The following TRIM13 variants were observed in gnomAD, a reference collection of about 807,000 sequenced individuals.
TRIM13 encodes the protein tripartite motif containing 13, also known as E3 ubiquitin-protein ligase TRIM13.
TRIM13 carries 15 observed loss-of-function variants against 27.1 expected under a neutral mutation model. The ratio of observed to expected loss-of-function variants is 0.55; its 90% confidence interval spans 0.37 to 0.85. The LOEUF (loss-of-function observed/expected upper bound fraction) is 0.85, where lower values mean the gene tolerates loss of function less well. TRIM13 is among the 40% of genes least tolerant of loss of function. The pLI is 0.00. For missense variants in TRIM13, 402 were observed against 472.2 expected (o/e 0.85, Z 1.38); for synonymous variants, 193 against 171.5 (o/e 1.13, Z -0.98).
intron 1 of TRIM13, 51 bp from the exon 2 acceptor site, chr13:50,011,884 T>C (rs1480176492): frequency 1.3e-6 from 2 of 1,528,498 alleles, no homozygotes; most frequent in African/African-American, 1.4e-5. Flanking sequence ...TATTACATAG[T>C]CCTAGTGGTG....
At chr13:50,001,641 G>C (rs1356685901) in intron 1 of TRIM13, among the ~76,000 whole-genome samples, 1 of 152,054 alleles carries the variant, frequency 6.6e-6, no homozygotes, top group Non-Finnish European at 1.5e-5. Context: ...TATATTGTTT[G>C]CAAGAGCCAC....
Position 50,013,613 on chromosome 13 carries a change from C to G in TRIM13, c.*449C>G, listed in dbSNP as rs2138423892. On this transcript the variant is annotated 3_prime_UTR_variant, in exon 2 of 2. Coordinates refer to ENST00000378182, the MANE Select transcript of TRIM13 (RefSeq NM_213590.3). ...TCTTGGCTCACTGCAGCCTCTACCT[C>G]CCAGGTTCAAGTGATTATCCTGCCT... 6.1e-6 allele frequency: 1 copy of G among 163,276 alleles called. No homozygotes were observed. The highest frequency in any genetic ancestry group is 1.9e-4 in the East Asian group (1 of 5,158). 10.1% of individuals were successfully genotyped at this position (163,276 alleles called of 1,614,324 possible). A position where few individuals can be genotyped will look rare whatever the true frequency, so the allele number is the denominator to read the frequency against.
At chr13:50,007,707 G>A (rs1240447744) in intron 1 of TRIM13, among the ~76,000 whole-genome samples, 51 of 150,652 alleles carry the variant, frequency 3.4e-4, no homozygotes, top group African/African-American at 1.2e-3. Context: ...GCTTGAACCC[G>A]GGAGGCGGAG....
intron 1 of TRIM13, among the ~76,000 whole-genome samples, chr13:49,998,130 A>G (rs949689699): frequency 6.6e-6 from 1 of 152,160 alleles, no homozygotes; most frequent in East Asian, 1.9e-4. Flanking sequence ...GCACTTTAAA[A>G]GCAGAATTTC....
intron 1 of TRIM13, among the ~76,000 whole-genome samples, chr13:49,999,461 T>A (rs1873753178): frequency 6.6e-6 from 1 of 152,138 alleles, no homozygotes; most frequent in South Asian, 2.1e-4. Context: ...ATGTCCTGAA[T>A]TCTTTCTTGG....
At position 50,015,611 on chromosome 13, in the gene TRIM13, C is replaced by CA; in HGVS notation, c.*2449dup. 6.2e-7 allele frequency: 1 copy of CA among 1,614,002 alleles called. No homozygotes were observed. Among genetic ancestry groups the CA allele is most frequent in the Non-Finnish European group, 8.5e-7 (1 of 1,179,954 alleles). On this transcript the variant is annotated 3_prime_UTR_variant, in exon 2 of 2. Coordinates refer to ENST00000378182, the MANE Select transcript of TRIM13 (RefSeq NM_213590.3). ...GGCACGCATGTTAGATGGCAGAGAC[C>CA]AAGAATTCAAGATGGTTGGTGGCCA...
chr13:50,014,526 CAGAA>C lies in TRIM13; in HGVS notation c.*1367_*1370del, dbSNP rs1022131887. On this transcript the variant is annotated 3_prime_UTR_variant, in exon 2 of 2. Transcript: ENST00000378182. Reference sequence around the variant, plus strand: ...ACAACCAAACCAATCCACTTGCTTACAGAAAGAATGTTTAGTGTAGTTAAGACTA... The same window carrying C: ...ACAACCAAACCAATCCACTTGCTTACAGAATGTTTAGTGTAGTTAAGACTA... The C allele has an allele frequency of 3.6e-5, 6 of 166,216 alleles. No homozygotes were observed. The highest frequency in any genetic ancestry group is 2.1e-4 in the South Asian group (1 of 4,788). 10.3% of individuals were successfully genotyped at this position (166,216 alleles called of 1,614,324 possible).
rs1239361627 is a variant in TRIM13 at position 50,017,062 on chromosome 13, CAA to C, written c.*3901_*3902del. ...TTACATTTTATAACTTCCTGTCCTT[CAA>C]AAGAGTTTGAAATGTCATTTTGGGA... On this transcript the variant is annotated 3_prime_UTR_variant, in exon 2 of 2. Transcript: ENST00000378182. 5 of 167,034 alleles carry C rather than the reference CAA, an allele frequency of 3.0e-5. No homozygotes were observed. In the East Asian group the frequency reaches 9.6e-4, roughly 32 times the overall value. The allele number at this position is 167,034 out of a possible 1,614,324, so 10.3% of individuals were successfully genotyped here. A position where few individuals can be genotyped will look rare whatever the true frequency, so the allele number is the denominator to read the frequency against.
chr13:50,008,450 G>A (rs1048842818), intron 1 of TRIM13, among the ~76,000 whole-genome samples: 6 of 151,800 alleles, frequency 4.0e-5, no homozygotes, highest in African/African-American at 1.5e-4. Context: ...AGGATTGCTT[G>A]AGGCCAGCTA....
intron 1 of TRIM13, among the ~76,000 whole-genome samples, chr13:50,003,054 T>C (rs1318747321): frequency 6.6e-6 from 1 of 152,210 alleles, no homozygotes; most frequent in Non-Finnish European, 1.5e-5. Flanking sequence ...TATAGTACAC[T>C]ATTTGAAAAT....
At position 50,016,425 on chromosome 13, in the gene TRIM13, G is replaced by T. The variant is rs1194890653; in HGVS notation, c.*3261G>T. Reference sequence around the variant, plus strand: ...GCCTTATTTTTAAGAGATTGTTTCAGTGGTTCACATAAAGGCTCGCTCACT... The same window carrying T: ...GCCTTATTTTTAAGAGATTGTTTCATTGGTTCACATAAAGGCTCGCTCACT... On this transcript the variant is annotated 3_prime_UTR_variant, in exon 2 of 2. Coordinates refer to ENST00000378182, the MANE Select transcript of TRIM13 (RefSeq NM_213590.3). The T allele has an allele frequency of 8.9e-6, 2 of 224,902 alleles. No homozygotes were observed. Among genetic ancestry groups the T allele is most frequent in the Non-Finnish European group, 9.5e-6 (1 of 104,794 alleles). The allele number at this position is 224,902 out of a possible 1,614,324, so 13.9% of individuals were successfully genotyped here. A position where few individuals can be genotyped will look rare whatever the true frequency, so the allele number is the denominator to read the frequency against.
rs1874848954 is a variant in TRIM13 at position 50,007,250 on chromosome 13, G to A, written c.-6-4685G>A. On this transcript the variant is annotated intron_variant, in intron 1 of 1. Coordinates refer to ENST00000378182, the MANE Select transcript of TRIM13 (RefSeq NM_213590.3). The stretch of plus-strand genomic sequence containing the variant: ...TCACGCCTATAATCCCAGCACTTTG[G>A]GAGGCTGAGGCAGGTGGATCATGAG... 2.0e-5 allele frequency among the ~76,000 whole-genome samples: 3 copies of A among 151,684 alleles called. No homozygotes were observed. The South Asian group carries it at 6.2e-4, about 31-fold the overall frequency.
At position 49,997,099 on chromosome 13, in the gene TRIM13, G is replaced by C. The variant is rs1302283526; in HGVS notation, c.-671G>C. ...CGTGCGGTCCCTGTAGTTGGAGGACGGGCGGTCGCGCGGCCTTTCCCACTA... is the reference window on the plus strand; with the variant it reads ...CGTGCGGTCCCTGTAGTTGGAGGACCGGCGGTCGCGCGGCCTTTCCCACTA... On this transcript the variant is annotated 5_prime_UTR_variant, in exon 1 of 2. Transcript: ENST00000378182. The C allele has an allele frequency of 6.6e-6, 1 of 151,912 alleles. No homozygotes were observed. The highest frequency in any genetic ancestry group is 2.0e-4 in the East Asian group (1 of 5,104). 9.4% of individuals were successfully genotyped at this position (151,912 alleles called of 1,614,324 possible). A position where few individuals can be genotyped will look rare whatever the true frequency, so the allele number is the denominator to read the frequency against.
At chr13:50,001,097 C>G (rs1255387165) in intron 1 of TRIM13, 1 of 152,298 alleles carries the variant, frequency 6.6e-6, no homozygotes, top group Non-Finnish European at 1.5e-5. Context: ...CGAGACCAGC[C>G]TGGCCAAAAT....
chr13:50,003,434 G>GT (rs1327650029), intron 1 of TRIM13, among the ~76,000 whole-genome samples: 2 of 152,174 alleles, frequency 1.3e-5, no homozygotes, highest in African/African-American at 4.8e-5. Context: ...TAAAACCTTA[G>GT]TAGGAAAGTT....
chr13:50,015,578 T>C lies in TRIM13; in HGVS notation c.*2414T>C. The C allele has an allele frequency of 6.2e-7, 1 of 1,614,090 alleles. No individual in the cohort carries two copies. The highest frequency in any genetic ancestry group is 8.5e-7 in the Non-Finnish European group (1 of 1,179,978). On this transcript the variant is annotated 3_prime_UTR_variant, in exon 2 of 2. Transcript: ENST00000378182. ...TTCTACGATAAAGCAGTTTCCTGCT[T>C]CTCGTTTGGCACGCATGTTAGATGG... is the stretch of plus-strand genomic sequence containing the variant.
At chr13:50,008,924 A>T (rs1337614982) in intron 1 of TRIM13, among the ~76,000 whole-genome samples, 1 of 145,096 alleles carries the variant, frequency 6.9e-6, no homozygotes. Flanking sequence ...AGCTACTTGG[A>T]GGTTGAGGCA....
At chr13:50,001,144 A>T (rs905965308) in intron 1 of TRIM13, 2 of 152,246 alleles carry the variant, frequency 1.3e-5, no homozygotes, top group African/African-American at 4.8e-5. Context: ...ACAAAAAATT[A>T]GCTGGGCATG....
Position 50,016,079 on chromosome 13 carries a change from G to T in TRIM13, c.*2915G>T, listed in dbSNP as rs199853402. The T allele has an allele frequency of 1.3e-3, 2,025 of 1,600,854 alleles. 6 individuals carry two copies. The highest frequency in any genetic ancestry group is 4.3e-3 in the Middle Eastern group (26 of 6,028). On this transcript the variant is annotated 3_prime_UTR_variant, in exon 2 of 2. Transcript: ENST00000378182. ...TAACCAAACTGGAGTCAGGTATTTT[G>T]TACTTTGCAGTATTTCTCTTGTATA...
Sources: gnomAD v4.1 joint callset for allele counts (sites outside exome capture counted in the v4.1 genomes callset) on GRCh38, gnomAD v4.1.1 for gene constraint, MANE v1.5 for transcripts, NCBI Gene and HGNC (gene_info 2026-07-23, HGNC 2026-07-21) for gene names.